The following CCBE1 variants were observed in gnomAD, a reference collection of about 807,000 sequenced individuals.
CCBE1 encodes collagen and calcium-binding EGF domain-containing protein 1.
Under a neutral mutation model 50.0 loss-of-function variants are expected in CCBE1, and 37 were observed. The observed-to-expected ratio is 0.74, with a 90% CI of 0.57 to 0.97. The LOEUF is 0.97. Ranked by LOEUF, CCBE1 falls within the 50% of genes least tolerant of loss-of-function variation. CCBE1 has a pLI of 0.00. For missense variants in CCBE1, 538 were observed against 523.8 expected (o/e 1.03, Z -0.26); for synonymous variants, 234 against 203.7 (o/e 1.15, Z -1.27).
chr18:59,464,535 TG>T (rs1329647310), intron 5 of CCBE1, among the ~76,000 whole-genome samples: 1 of 152,246 alleles, frequency 6.6e-6, no homozygotes, highest in South Asian at 2.1e-4. Flanking sequence ...TGAACACCCC[TG>T]GGCAGGCACA....
At chr18:59,548,309 A>T (rs1297650636) in intron 2 of CCBE1, among the ~76,000 whole-genome samples, 2 of 152,216 alleles carry the variant, frequency 1.3e-5, no homozygotes, top group African/African-American at 2.4e-5. Context: ...CAATAAAATT[A>T]TATGGATACT....
intron 2 of CCBE1, among the ~76,000 whole-genome samples, chr18:59,636,272 T>C (rs562067228): frequency 2.6e-5 from 4 of 151,982 alleles, no homozygotes; most frequent in East Asian, 1.9e-4. Context: ...CAAGACAAAA[T>C]AGACATTGAG....
chr18:59,479,968 C>T (rs1912488453), intron 3 of CCBE1, among the ~76,000 whole-genome samples: 1 of 152,200 alleles, frequency 6.6e-6, no homozygotes, highest in Non-Finnish European at 1.5e-5. Context: ...ATAAGAATGA[C>T]TCAATGTGTG....
intron 2 of CCBE1, among the ~76,000 whole-genome samples, chr18:59,579,086 C>T (rs182416326): frequency 1.6e-3 from 241 of 152,148 alleles, no homozygotes; most frequent in African/African-American, 5.1e-3. Flanking sequence ...CTGAGTTTTG[C>T]GCTCTCAGAA....
At chr18:59,610,792 G>C (rs1366303475) in intron 2 of CCBE1, among the ~76,000 whole-genome samples, 1 of 152,198 alleles carries the variant, frequency 6.6e-6, no homozygotes, top group Non-Finnish European at 1.5e-5. Context: ...GTGAACCAGT[G>C]CATTCTTCAC....
intron 2 of CCBE1, among the ~76,000 whole-genome samples, chr18:59,570,893 C>T (rs1599023518): frequency 6.6e-6 from 1 of 152,280 alleles, no homozygotes; most frequent in African/African-American, 2.4e-5. Flanking sequence ...GAGCCTCTGT[C>T]ATTTATATGG....
intron 5 of CCBE1, chr18:59,464,016 A>AC (rs1911621430): frequency 6.6e-6 from 1 of 152,202 alleles, no homozygotes; most frequent in South Asian, 2.1e-4. Flanking sequence ...AAATAGCTGC[A>AC]CCCTGTTTTT....
intron 2 of CCBE1, among the ~76,000 whole-genome samples, chr18:59,650,353 C>T (rs1160130449): frequency 6.6e-6 from 1 of 150,644 alleles, no homozygotes; most frequent in African/African-American, 2.4e-5. Context: ...GCAGAAGAGG[C>T]TCCAGACCTC....
At position 59,660,645 on chromosome 18, in the gene CCBE1, T is replaced by G. The variant is rs888907412; in HGVS notation, c.212+35984A>C. 3.3e-5 allele frequency among the ~76,000 whole-genome samples: 5 copies of G among 152,312 alleles called. No homozygotes were observed. The East Asian group carries it at 9.6e-4, about 29-fold the overall frequency. The stretch of plus-strand genomic sequence containing the variant: ...TGTGTGCTTTTTACTGCTTCCCTGA[T>G]AGAGGGATTTATAGACAGTACTGCC... On this transcript the variant is annotated intron_variant, in intron 2 of 10. Transcript: ENST00000439986.
At chr18:59,547,181 A>G (rs916395026) in intron 2 of CCBE1, among the ~76,000 whole-genome samples, 1 of 151,672 alleles carries the variant, frequency 6.6e-6, no homozygotes, top group Non-Finnish European at 1.5e-5. Flanking sequence ...AGAGAGAGGC[A>G]CAATGGCTCA....
intron 2 of CCBE1, among the ~76,000 whole-genome samples, chr18:59,563,039 C>G (rs1599016773): frequency 6.6e-6 from 1 of 152,170 alleles, no homozygotes; most frequent in Non-Finnish European, 1.5e-5. Context: ...TATTTTTGTT[C>G]TCTGATGAAA....
At chr18:59,691,713 C>T (rs571374564) in intron 2 of CCBE1, among the ~76,000 whole-genome samples, 1 of 152,270 alleles carries the variant, frequency 6.6e-6, no homozygotes, top group Non-Finnish European at 1.5e-5. Flanking sequence ...TAGAGTTCTT[C>T]ACAACTTTCA....
chr18:59,688,073 A>G (rs1328607260), intron 2 of CCBE1: 2 of 152,214 alleles, frequency 1.3e-5, no homozygotes, highest in Non-Finnish European at 2.9e-5. Context: ...CTGATTCCGA[A>G]TACCTTCAAT....
At chr18:59,651,104 A>T (rs574903460) in intron 2 of CCBE1, among the ~76,000 whole-genome samples, 13 of 152,318 alleles carry the variant, frequency 8.5e-5, no homozygotes, top group African/African-American at 3.1e-4. Context: ...AATTGTGATG[A>T]CTTTTTACCC....
chr18:59,607,053 T>A (rs1402567465), intron 2 of CCBE1, among the ~76,000 whole-genome samples: 1 of 119,126 alleles, frequency 8.4e-6, no homozygotes. Flanking sequence ...GTGTGTTGAA[T>A]TGGGAAAAAA....
At chr18:59,466,356 G>A (rs1453765978) in intron 5 of CCBE1, among the ~76,000 whole-genome samples, 4 of 152,138 alleles carry the variant, frequency 2.6e-5, no homozygotes, top group Admixed American at 6.5e-5. Flanking sequence ...TCTCTTGCCT[G>A]CAACCGTGTA....
chr18:59,549,431 C>T (rs892916389), intron 2 of CCBE1, among the ~76,000 whole-genome samples: 6 of 152,100 alleles, frequency 3.9e-5, no homozygotes, highest in Non-Finnish European at 7.4e-5. Context: ...AAAACAGGTC[C>T]CCCAACGCCA....
chr18:59,627,328 T>C (rs2053798168), intron 2 of CCBE1, among the ~76,000 whole-genome samples: 1 of 152,216 alleles, frequency 6.6e-6, no homozygotes, highest in Non-Finnish European at 1.5e-5. Flanking sequence ...GAAAGAAATA[T>C]GAATTACTAA....
At chr18:59,537,870 C>T (rs1305047876) in intron 2 of CCBE1, among the ~76,000 whole-genome samples, 2 of 152,320 alleles carry the variant, frequency 1.3e-5, no homozygotes, top group South Asian at 4.1e-4. Flanking sequence ...GTCACTTAAC[C>T]TCTTGCATGT....
Sources: gnomAD v4.1 joint callset for allele counts (sites outside exome capture counted in the v4.1 genomes callset) on GRCh38, gnomAD v4.1.1 for gene constraint, MANE v1.5 for transcripts, NCBI Gene and HGNC (gene_info 2026-07-23, HGNC 2026-07-21) for gene names.